OPCML: variants seen among roughly 807,000 people sequenced by gnomAD.
The protein encoded by OPCML is opioid binding protein/cell adhesion molecule like.
OPCML carries 13 observed loss-of-function variants against 37.8 expected under a neutral mutation model. The ratio of observed to expected loss-of-function variants is 0.34; its 90% CI spans 0.22 to 0.55. The LOEUF (loss-of-function observed/expected upper bound fraction) is 0.55. Among genes scored for constraint, OPCML ranks in the 20% least tolerant of loss-of-function variants. OPCML has a pLI of 0.91. For missense variants in OPCML, 341 were observed against 435.6 expected, an observed-to-expected ratio of 0.78 and a Z score of 1.93; for synonymous variants, 176 against 168.8, an observed-to-expected ratio of 1.04 and a Z score of -0.33.
At chr11:133,291,903 T>G (rs1053887227) in intron 1 of OPCML, among the ~76,000 whole-genome samples, 7 of 152,192 alleles carry the variant, frequency 4.6e-5, no homozygotes, top group African/African-American at 1.7e-4. Flanking sequence ...GGCTTGTGTG[T>G]GAGAAGCCAG....
At chr11:132,544,998 A>C (rs943817650) in intron 3 of OPCML, among the ~76,000 whole-genome samples, 12 of 152,188 alleles carry the variant, frequency 7.9e-5, no homozygotes, top group African/African-American at 2.9e-4. Flanking sequence ...CATACATTCC[A>C]GAGTCTTAAT....
At position 133,451,995 on chromosome 11, in the gene OPCML, C is replaced by A. The variant is rs567756522; in HGVS notation, c.61+80269G>T. Among the ~76,000 whole-genome samples, 94 of 151,368 alleles carry A rather than the reference C, an allele frequency of 6.2e-4. 2 individuals carry two copies. Among genetic ancestry groups the A allele is most frequent in the African/African-American group, 1.8e-3 (72 of 40,844 alleles). On this transcript the variant is annotated intron_variant, in intron 1 of 7. Transcript: ENST00000524381. The stretch of plus-strand genomic sequence containing the variant: ...CACAGAGGTTGGACTTTGATTATTG[C>A]CACATTAACTGTCTGCTAAAACCAA...
intron 1 of OPCML, among the ~76,000 whole-genome samples, chr11:132,974,943 A>G (rs1389796059): frequency 6.6e-6 from 1 of 151,668 alleles, no homozygotes; most frequent in Admixed American, 6.6e-5. Context: ...TACTTTCTCC[A>G]GAGTCTATAG....
chr11:133,288,611 C>T (rs1374227966), intron 1 of OPCML, among the ~76,000 whole-genome samples: 1 of 152,204 alleles, frequency 6.6e-6, no homozygotes, highest in Non-Finnish European at 1.5e-5. Context: ...GTATTAAAAT[C>T]ATCTGGGAAC....
chr11:133,430,655 C>T (rs1027009912), intron 1 of OPCML, among the ~76,000 whole-genome samples: 1 of 152,056 alleles, frequency 6.6e-6, no homozygotes, highest in Non-Finnish European at 1.5e-5. Context: ...ACAATACTAC[C>T]GTCCAATGCA....
At chr11:132,600,549 A>G (rs905923830) in intron 3 of OPCML, among the ~76,000 whole-genome samples, 6 of 152,334 alleles carry the variant, frequency 3.9e-5, no homozygotes, top group Admixed American at 1.3e-4. Context: ...TTCTTAGGCT[A>G]AAAAGAAAAG....
chr11:133,513,549 TCTTC>T (rs1177229885), intron 1 of OPCML, among the ~76,000 whole-genome samples: 1 of 152,218 alleles, frequency 6.6e-6, no homozygotes, highest in African/African-American at 2.4e-5. Context: ...AGAGCTAGTT[TCTTC>T]CTTCCTTGCG....
intron 3 of OPCML, among the ~76,000 whole-genome samples, chr11:132,542,015 C>T (rs1565650431): frequency 6.6e-6 from 1 of 152,212 alleles, no homozygotes; most frequent in Non-Finnish European, 1.5e-5. Context: ...GGAAGTCCAG[C>T]ATCTTCTCAT....
In OPCML at chr11:133,208,529, C is replaced by T. The variant is rs943463469; in HGVS notation, c.62-265519G>A. Among the ~76,000 whole-genome samples the T allele has an allele frequency of 7.9e-5, 12 of 152,122 alleles. No homozygotes were observed. Among genetic ancestry groups the T allele is most frequent in the Admixed American group, 7.9e-4 (12 of 15,270 alleles). Reference sequence around the variant, plus strand: ...GCAATGAAGTATGTCAGTAGGGCATCGTAAATATAATTCCAATGCTGGCTA... The same window carrying T: ...GCAATGAAGTATGTCAGTAGGGCATTGTAAATATAATTCCAATGCTGGCTA... On this transcript the variant is annotated intron_variant, in intron 1 of 7. Coordinates refer to ENST00000524381, the MANE Select transcript of OPCML (RefSeq NM_001012393.5). The surrounding 1 kb of genome is among the most constrained non-coding windows in gnomAD (Gnocchi z 8.9).
At chr11:133,120,937 T>C (rs1949410785) in intron 1 of OPCML, among the ~76,000 whole-genome samples, 1 of 152,162 alleles carries the variant, frequency 6.6e-6, no homozygotes, top group Non-Finnish European at 1.5e-5. Context: ...ATTAATTCTT[T>C]TTTTAGACGG....
chr11:133,207,505 C>G (rs536159830), intron 1 of OPCML, among the ~76,000 whole-genome samples: 4 of 152,116 alleles, frequency 2.6e-5, no homozygotes, highest in Non-Finnish European at 5.9e-5. Context: ...TTCAGATCTG[C>G]CTGTAGCTCT....
intron 1 of OPCML, chr11:133,008,926 G>C: frequency 1.0e-6 from 1 of 985,388 alleles, no homozygotes; most frequent in Non-Finnish European, 1.2e-6. Context: ...CCTGATTAAG[G>C]AGTCACAGCA....
intron 1 of OPCML, among the ~76,000 whole-genome samples, chr11:133,487,690 T>C (rs759975968): frequency 6.6e-5 from 10 of 152,138 alleles, no homozygotes; most frequent in Non-Finnish European, 1.3e-4. Context: ...AAGGATAGTT[T>C]CTAGCAATAG....
intron 1 of OPCML, among the ~76,000 whole-genome samples, chr11:133,529,321 T>C (rs1948554523): frequency 6.6e-6 from 1 of 151,740 alleles, no homozygotes; most frequent in Non-Finnish European, 1.5e-5. Flanking sequence ...TCCTGCTTCC[T>C]ACAGAGCCCC....
chr11:132,712,608 C>G (rs1326082190), intron 2 of OPCML, among the ~76,000 whole-genome samples: 1 of 152,202 alleles, frequency 6.6e-6, no homozygotes, highest in Non-Finnish European at 1.5e-5. Flanking sequence ...GTATTGCCAG[C>G]TCCGCGCCGC....
At chr11:132,579,268 C>G (rs1266300402) in intron 3 of OPCML, among the ~76,000 whole-genome samples, 2 of 152,114 alleles carry the variant, frequency 1.3e-5, no homozygotes, top group Non-Finnish European at 2.9e-5. Context: ...AAGTTTGTTT[C>G]TCTTGGGAAG....
intron 1 of OPCML, among the ~76,000 whole-genome samples, chr11:133,099,340 G>A (rs927586412): frequency 7.3e-5 from 11 of 150,778 alleles, no homozygotes; most frequent in Non-Finnish European, 1.2e-4. Flanking sequence ...TCAGCTCACC[G>A]CAAGCTCCAC....
intron 3 of OPCML, among the ~76,000 whole-genome samples, chr11:132,546,904 A>C (rs1403300918): frequency 2.6e-5 from 4 of 152,216 alleles, no homozygotes; most frequent in Admixed American, 2.6e-4. Context: ...GATGGGACAC[A>C]TTAGGGAAAG....
chr11:132,692,119 AG>A (rs1393063798), intron 2 of OPCML, among the ~76,000 whole-genome samples: 1 of 152,208 alleles, frequency 6.6e-6, no homozygotes, highest in Non-Finnish European at 1.5e-5. Flanking sequence ...GCAGAAGAAA[AG>A]CATCATTTAT....
Sources: allele counts gnomAD v4.1 joint callset (sites outside exome capture counted in the v4.1 genomes callset), GRCh38; gene constraint gnomAD v4.1.1; non-coding constraint Gnocchi (gnomAD v3.1); transcripts MANE v1.5; gene names NCBI Gene and HGNC (gene_info 2026-07-23, HGNC 2026-07-21).